PLS1: variants seen among roughly 807,000 people sequenced by gnomAD.
PLS1 encodes the protein plastin-1.
In PLS1, 32 loss-of-function variants were observed where a neutral mutation model predicts 73.7. The observed-to-expected ratio is 0.43, with a 90% CI of 0.33 to 0.58. The LOEUF is 0.58. PLS1 is among the 20% of genes least tolerant of loss of function. The probability of loss-of-function intolerance (pLI) is 0.04; values close to 1 mark genes in which losing one functional copy is unlikely to be tolerated. For synonymous variants in PLS1, 217 were observed against 261.3 expected (o/e 0.83, Z 1.63); for missense variants, 633 against 740.5 (o/e 0.85, Z 1.68).
At chr3:142,660,099 C>T (rs1443621705) in intron 1 of PLS1, among the ~76,000 whole-genome samples, 2 of 152,100 alleles carry the variant, frequency 1.3e-5, no homozygotes, top group Non-Finnish European at 1.5e-5. Context: ...CAAAGTTAGT[C>T]CGAGCAGTTG....
chr3:142,667,522 T>C (rs1000838988), intron 2 of PLS1, among the ~76,000 whole-genome samples: 10 of 152,108 alleles, frequency 6.6e-5, no homozygotes, highest in Non-Finnish European at 4.4e-5. Flanking sequence ...AACAATTTCA[T>C]GAGATAAGTC....
rs377437573 is a variant in PLS1, at chr3:142,711,940, T to C, written c.1823T>C (p.Val608Ala). ...GCATTACCTGATGACCTCGTAGAAG[T>C]GAAACCAAAGATGGTTATGACGGTG... ...IYALPDDLVE[V>A]KPKMVMTVFA... is the part of the protein sequence containing the mutation. Residue 608 changes from valine (V) to alanine (A), a missense_variant, in exon 16 of 16, where the codon GTG becomes GCG. Val to Ala is a moderately conservative substitution (Grantham distance 64, BLOSUM62 0). Coordinates refer to ENST00000457734, the MANE Select transcript of PLS1 (RefSeq NM_001145319.2). 1.1e-5 allele frequency: 17 copies of C among 1,612,950 alleles called. No homozygotes were observed. The African/African-American group carries it at 2.1e-4, about 20-fold the overall frequency.
At chr3:142,613,467 A>T (rs918542560) in intron 1 of PLS1, among the ~76,000 whole-genome samples, 1 of 151,920 alleles carries the variant, frequency 6.6e-6, no homozygotes, top group Non-Finnish European at 1.5e-5. Flanking sequence ...ACAGAGCAAG[A>T]CTCTGTCTCA....
intron 12 of PLS1, 69 bp from the exon 13 acceptor site, chr3:142,703,799 C>A: frequency 1.0e-6 from 1 of 995,618 alleles, no homozygotes; most frequent in Non-Finnish European, 1.5e-6. Context: ...GATGGCTGAA[C>A]TAGGCTGGCC....
chr3:142,604,546 A>G (rs1201898440), intron 1 of PLS1, among the ~76,000 whole-genome samples: 1 of 152,208 alleles, frequency 6.6e-6, no homozygotes, highest in Non-Finnish European at 1.5e-5. Flanking sequence ...AATGTTTTTC[A>G]TCAGAAGTTG....
At chr3:142,605,035 A>G (rs2035994722) in intron 1 of PLS1, among the ~76,000 whole-genome samples, 1 of 152,208 alleles carries the variant, frequency 6.6e-6, no homozygotes, top group Admixed American at 6.5e-5. Flanking sequence ...AGGGCAATTT[A>G]AAGTTTAGAT....
At chr3:142,703,168 T>G (rs1299463260) in intron 12 of PLS1, among the ~76,000 whole-genome samples, 3 of 152,012 alleles carry the variant, frequency 2.0e-5, no homozygotes, top group African/African-American at 7.3e-5. Context: ...TTCTTTTCTA[T>G]TTTTAAATTT....
chr3:142,599,708 TCATTAAC>T (rs1302073084), intron 1 of PLS1, among the ~76,000 whole-genome samples: 1 of 152,096 alleles, frequency 6.6e-6, no homozygotes, highest in Non-Finnish European at 1.5e-5. Context: ...CAAGCTCTTT[TCATTAAC>T]TATTACTTTT....
intron 4 of PLS1, 49 bp downstream of exon 4, chr3:142,671,171 A>C: frequency 1.3e-6 from 2 of 1,488,466 alleles, no homozygotes; most frequent in Non-Finnish European, 1.9e-6. Context: ...TTCATTGATT[A>C]AGTGACATAT....
rs781688980 is a variant in PLS1 at position 142,684,350 on chromosome 3, C to T, written c.843C>T (p.Thr281=). 1 of 1,613,404 alleles carries T rather than the reference C, an allele frequency of 6.2e-7. No individual in the cohort carries two copies. The highest frequency in any genetic ancestry group is 1.3e-5 in the African/African-American group (1 of 75,006). Residue 281 remains threonine (T), a synonymous_variant, in exon 8 of 16, where the codon ACC becomes ACT. Coordinates refer to ENST00000457734, the MANE Select transcript of PLS1 (RefSeq NM_001145319.2). ...TGCGATGGGTGAACTACCATCTGAC[C>T]AATGCAGGATGGCATACCATCAGCA... ...LLLRWVNYHL[T]NAGWHTISNF...
intron 1 of PLS1, among the ~76,000 whole-genome samples, chr3:142,654,619 G>A (rs2037178917): frequency 2.0e-5 from 3 of 152,288 alleles, no homozygotes; most frequent in East Asian, 3.9e-4. Context: ...CTCCCAAAGT[G>A]TGGGGATTAC....
Position 142,711,530 on chromosome 3 carries a change from C to G in PLS1, c.1659C>G (p.Val553=). ...KDKSISTSLP[V]LDLIDAIAPN... is the part of the protein sequence containing the mutation. ...AATCTATAAGCACAAGTTTACCTGT[C>G]CTAGATTTAATAGATGCCATTGCAC... is the stretch of plus-strand genomic sequence containing the variant. The change falls in exon 15 of 16, where the codon GTC becomes GTG. Residue 553 remains valine (V), a synonymous_variant. Transcript: ENST00000457734. 2 of 1,598,026 alleles carry G rather than the reference C, an allele frequency of 1.3e-6. No homozygotes were observed. The highest frequency in any genetic ancestry group is 1.7e-6 in the Non-Finnish European group (2 of 1,166,574).
intron 1 of PLS1, among the ~76,000 whole-genome samples, chr3:142,632,880 T>G (rs1246127089): frequency 6.6e-6 from 1 of 152,208 alleles, no homozygotes; most frequent in Non-Finnish European, 1.5e-5. Context: ...ATTACAGGCA[T>G]GAGCCACCGT....
chr3:142,669,328 G>T (rs754661578), intron 2 of PLS1, 62 bp from the exon 3 acceptor site: 1 of 932,962 alleles, frequency 1.1e-6, no homozygotes, highest in Non-Finnish European at 1.6e-6. Flanking sequence ...CTCCCAAAAG[G>T]CATCCTTATT....
intron 1 of PLS1, among the ~76,000 whole-genome samples, chr3:142,599,217 A>T (rs935136565): frequency 2.8e-5 from 4 of 141,672 alleles, no homozygotes; most frequent in African/African-American, 8.4e-5. Context: ...AATAAATAAA[A>T]AGTGCATTTT....
At position 142,648,280 on chromosome 3, in the gene PLS1, G is replaced by A. The variant is rs1416568974; in HGVS notation, c.-36-15922G>A. 5.3e-5 allele frequency among the ~76,000 whole-genome samples: 8 copies of A among 152,276 alleles called. No individual in the cohort carries two copies. The South Asian group carries it at 1.7e-3, about 32-fold the overall frequency. On this transcript the variant is annotated intron_variant, in intron 1 of 15. Coordinates refer to ENST00000457734, the MANE Select transcript of PLS1 (RefSeq NM_001145319.2). Reference sequence around the variant, plus strand: ...GGAAATGGCATGAAGGAAAGTTGTAGAACAATACGGAAGAGGCCTCAGGAG... The same window carrying A: ...GGAAATGGCATGAAGGAAAGTTGTAAAACAATACGGAAGAGGCCTCAGGAG...
chr3:142,697,826 C>T (rs891279764), intron 11 of PLS1, 127 bp from the exon 12 acceptor site: 9 of 583,168 alleles, frequency 1.5e-5, no homozygotes, highest in African/African-American at 1.5e-4. Context: ...ATGATATGTC[C>T]TGTCATTCTT....
chr3:142,698,880 A>G (rs1026211518), intron 12 of PLS1, among the ~76,000 whole-genome samples: 3 of 152,210 alleles, frequency 2.0e-5, no homozygotes, highest in South Asian at 2.1e-4. Flanking sequence ...CAAAATGCTA[A>G]TCATAGCAAT....
Position 142,607,004 on chromosome 3 carries a change from G to A in PLS1, c.-37+10495G>A, listed in dbSNP as rs146181268. ...ATATCACTTAGCATTTCGAGGAACT[G>A]CCAAACCGTTTTCTGGAGCAGCTGC... On this transcript the variant is annotated intron_variant, in intron 1 of 15. Coordinates refer to ENST00000457734, the MANE Select transcript of PLS1 (RefSeq NM_001145319.2). Among the ~76,000 whole-genome samples the A allele has an allele frequency of 1.1e-3, 173 of 152,234 alleles. 1 individual carries two copies. The highest frequency in any genetic ancestry group is 6.8e-3 in the Middle Eastern group (2 of 294).
Sources: gnomAD v4.1 joint callset for allele counts (sites outside exome capture counted in the v4.1 genomes callset) on GRCh38, gnomAD v4.1.1 for gene constraint, MANE v1.5 for transcripts, NCBI Gene and HGNC (gene_info 2026-07-23, HGNC 2026-07-21) for gene names.